Variants in DSTYK observed in about 807,000 individuals in gnomAD.
The protein encoded by DSTYK is RIP-homologous kinase.
Under a neutral mutation model 98.7 loss-of-function variants are expected in DSTYK, and 34 were observed. The observed-to-expected ratio is 0.34, with a 90% CI of 0.26 to 0.46. The LOEUF is 0.46. Among genes scored for constraint, DSTYK ranks in the 20% least tolerant of loss-of-function variants. The pLI, the probability that DSTYK is intolerant of heterozygous loss-of-function variation, is 1.00. For synonymous variants in DSTYK, 462 were observed against 457.3 expected, an observed-to-expected ratio of 1.01 and a Z score of -0.13; for missense variants, 962 against 1,181.7, an observed-to-expected ratio of 0.81 and a Z score of 2.73.
intron 1 of DSTYK, among the ~76,000 whole-genome samples, chr1:205,203,810 G>T (rs917830244): frequency 2.0e-5 from 3 of 151,956 alleles, no homozygotes; most frequent in Non-Finnish European, 2.9e-5. Context: ...CAGCTACTTG[G>T]GAGGTTGAGA....
intron 1 of DSTYK, among the ~76,000 whole-genome samples, chr1:205,210,797 A>G (rs1246189605): frequency 6.6e-6 from 1 of 152,180 alleles, no homozygotes; most frequent in Non-Finnish European, 1.5e-5. Context: ...CACATACATC[A>G]TCAAACCCAC....
intron 2 of DSTYK, among the ~76,000 whole-genome samples, chr1:205,174,155 G>T (rs1658155371): frequency 1.3e-5 from 2 of 152,050 alleles, no homozygotes; most frequent in South Asian, 4.1e-4. Context: ...GAGGTGGGCA[G>T]ATTGCTTGAG....
At chr1:205,191,036 C>T (rs974364083) in intron 1 of DSTYK, among the ~76,000 whole-genome samples, 3 of 152,146 alleles carry the variant, frequency 2.0e-5, no homozygotes, top group Admixed American at 6.5e-5. Flanking sequence ...AGCAGACACA[C>T]CCCATTATTC....
rs928100280 is a variant in DSTYK at position 205,145,423 on chromosome 1, T to C, written c.*2135A>G. 2 of 152,250 alleles carry C rather than the reference T, an allele frequency of 1.3e-5. No homozygotes were observed. The highest frequency in any genetic ancestry group is 1.9e-4 in the East Asian group (1 of 5,180). The allele number at this position is 152,250 out of a possible 1,614,324, so 9.4% of individuals were successfully genotyped here. On this transcript the variant is annotated 3_prime_UTR_variant, in exon 13 of 13. Transcript: ENST00000367162. ...TAAAAGTTATATGAAAGACCCATTATAGACTCCATTTATACTCCATTAATA... is the reference window on the plus strand; with the variant it reads ...TAAAAGTTATATGAAAGACCCATTACAGACTCCATTTATACTCCATTAATA...
rs1657166314 is a variant in DSTYK at position 205,144,552 on chromosome 1, CAAT to C, written c.*3003_*3005del. ...AAAGAACAAAGCCAAAATTAGCTGA[CAAT>C]GTTATAAAACAAAAGCAAAGTATAC... is the stretch of plus-strand genomic sequence containing the variant. On this transcript the variant is annotated 3_prime_UTR_variant, in exon 13 of 13. Coordinates refer to ENST00000367162, the MANE Select transcript of DSTYK (RefSeq NM_015375.3). The C allele has an allele frequency of 1.3e-5, 2 of 152,594 alleles. No individual in the cohort carries two copies. The highest frequency in any genetic ancestry group is 4.8e-5 in the African/African-American group (2 of 41,430). The allele number at this position is 152,594 out of a possible 1,614,324, so 9.5% of individuals were successfully genotyped here.
chr1:205,195,540 A>G (rs1274905491), intron 1 of DSTYK, among the ~76,000 whole-genome samples: 3 of 152,234 alleles, frequency 2.0e-5, no homozygotes, highest in Admixed American at 6.5e-5. Context: ...ATGCTTAGGT[A>G]GTCTGGCTTT....
At chr1:205,191,918 C>T (rs564551637) in intron 1 of DSTYK, among the ~76,000 whole-genome samples, 81 of 152,164 alleles carry the variant, frequency 5.3e-4, no homozygotes, top group Non-Finnish European at 3.4e-4. Flanking sequence ...AGCATGGCTT[C>T]TCAGCTGGCT....
At chr1:205,194,139 C>T (rs2102463332) in intron 1 of DSTYK, among the ~76,000 whole-genome samples, 1 of 152,340 alleles carries the variant, frequency 6.6e-6, no homozygotes, top group African/African-American at 2.4e-5. Context: ...CAAACCTAAG[C>T]ATAAAAACAG....
At chr1:205,207,228 G>A (rs1057004349) in intron 1 of DSTYK, among the ~76,000 whole-genome samples, 15 of 151,546 alleles carry the variant, frequency 9.9e-5, no homozygotes, top group Non-Finnish European at 2.1e-4. Context: ...ACAGGCACGC[G>A]CCATCATGCC....
At chr1:205,197,408 A>C (rs1159283645) in intron 1 of DSTYK, among the ~76,000 whole-genome samples, 16 of 152,216 alleles carry the variant, frequency 1.1e-4, no homozygotes, top group Admixed American at 1.0e-3. Context: ...GAACAAATCC[A>C]TGAAAATGTT....
At chr1:205,162,312 G>A in intron 5 of DSTYK, 100 bp from the exon 6 acceptor site, 1 of 1,399,018 alleles carries the variant, frequency 7.1e-7, no homozygotes, top group Non-Finnish European at 9.7e-7. Flanking sequence ...TTCATTAAGA[G>A]CAGGCTCATA....
At chr1:205,207,937 C>T (rs1161350362) in intron 1 of DSTYK, among the ~76,000 whole-genome samples, 3 of 151,870 alleles carry the variant, frequency 2.0e-5, no homozygotes, top group South Asian at 2.1e-4. Context: ...AGTGCAATGG[C>T]GTGATTTCGG....
intron 10 of DSTYK, among the ~76,000 whole-genome samples, chr1:205,151,393 T>C (rs541264663): frequency 6.6e-6 from 1 of 152,214 alleles, no homozygotes; most frequent in Admixed American, 6.5e-5. Flanking sequence ...TTTTTAAGCT[T>C]TTTGTTTGAC....
intron 6 of DSTYK, 67 bp from the exon 7 acceptor site, chr1:205,161,454 C>A: frequency 6.7e-7 from 1 of 1,502,736 alleles, no homozygotes; most frequent in Non-Finnish European, 9.1e-7. Flanking sequence ...ACCTGTTATA[C>A]AGGGATAATA....
At chr1:205,156,282 A>T (rs1657558769) in intron 10 of DSTYK, among the ~76,000 whole-genome samples, 1 of 152,202 alleles carries the variant, frequency 6.6e-6, no homozygotes, top group Non-Finnish European at 1.5e-5. Flanking sequence ...CCAGAAGGGT[A>T]GATCCACACA....
intron 1 of DSTYK, among the ~76,000 whole-genome samples, chr1:205,208,840 A>G (rs1005428881): frequency 2.6e-5 from 4 of 152,188 alleles, no homozygotes; most frequent in Non-Finnish European, 5.9e-5. Flanking sequence ...ATGACCACCT[A>G]AACAGCTAGG....
chr1:205,175,492 A>G (rs1252767264), intron 2 of DSTYK, among the ~76,000 whole-genome samples: 1 of 152,170 alleles, frequency 6.6e-6, no homozygotes, highest in African/African-American at 2.4e-5. Context: ...CAACATGTGC[A>G]GTTGGTCTCA....
intron 1 of DSTYK, among the ~76,000 whole-genome samples, chr1:205,209,893 C>CTATTATTATTATTATTATTAT (rs372431377): frequency 4.0e-5 from 6 of 150,090 alleles, no homozygotes; most frequent in African/African-American, 1.2e-4. Flanking sequence ...TTTATTATTA[C>CTATTATTATTATTATTATTAT]TATTATTATT....
At position 205,169,589 on chromosome 1, in the gene DSTYK, T is replaced by C. The variant is rs754747511; in HGVS notation, c.898A>G (p.Arg300Gly). ...DSSTRRMESE[R>G]SPLYRQLIDL... ...ATTAGCTGGCGATAAAGCGGTGATCTTTCGCTCTCCATTCTCCTGGTTGAG... is the reference window on the plus strand; with the variant it reads ...ATTAGCTGGCGATAAAGCGGTGATCCTTCGCTCTCCATTCTCCTGGTTGAG... Residue 300 changes from arginine to glycine, a missense_variant, in exon 3 of 13, where the codon AGA (arginine) becomes GGA (glycine). By Grantham distance (125) the Arg-to-Gly change is moderately radical. This residue lies in a region of DSTYK where 660 missense variants were observed against 855.0 expected (regional missense o/e 0.77). Transcript: ENST00000367162. The surrounding 1 kb of genome is among the most constrained non-coding windows in gnomAD (Gnocchi z 4.0). 6.2e-7 allele frequency: 1 copy of C among 1,614,092 alleles called. No homozygotes were observed. The highest frequency in any genetic ancestry group is 8.5e-7 in the Non-Finnish European group (1 of 1,180,022).
Sources: allele counts gnomAD v4.1 joint callset (sites outside exome capture counted in the v4.1 genomes callset), GRCh38; gene constraint gnomAD v4.1.1; regional missense constraint gnomAD v4.1.1; non-coding constraint Gnocchi (gnomAD v3.1); transcripts MANE v1.5; gene names NCBI Gene and HGNC (gene_info 2026-07-23, HGNC 2026-07-21).